Variants in LRMDA observed in about 807,000 individuals in gnomAD.
LRMDA encodes leucine-rich melanocyte differentiation-associated protein.
LRMDA carries 18 observed loss-of-function variants against 29.8 expected under a neutral mutation model. That is an observed-to-expected ratio of 0.60 (90% CI 0.42 to 0.90). The LOEUF (loss-of-function observed/expected upper bound fraction) is 0.90, where lower values mean the gene tolerates loss of function less well. LRMDA is among the 40% of genes least tolerant of loss of function. The pLI is 0.00. For synonymous variants in LRMDA, 125 were observed against 109.4 expected, an observed-to-expected ratio of 1.14 and a Z score of -0.89; for missense variants, 273 against 273.9, an observed-to-expected ratio of 1.00 and a Z score of 0.02.
intron 5 of LRMDA, among the ~76,000 whole-genome samples, chr10:76,179,241 G>A (rs550581091): frequency 6.6e-6 from 1 of 152,104 alleles, no homozygotes; most frequent in Non-Finnish European, 1.5e-5. Context: ...TCAAGGAGGG[G>A]GGGGTGGTGG....
At chr10:75,551,222 T>G (rs1279634856) in intron 2 of LRMDA, among the ~76,000 whole-genome samples, 1 of 151,720 alleles carries the variant, frequency 6.6e-6, no homozygotes, top group Non-Finnish European at 1.5e-5. Flanking sequence ...TAGAACAGTA[T>G]GAACACAAGT....
rs560245240 is a variant in LRMDA at position 76,180,868 on chromosome 10, A to G, written c.516+122085A>G. On this transcript the variant is annotated intron_variant, in intron 5 of 6. Coordinates refer to ENST00000611255, the MANE Select transcript of LRMDA (RefSeq NM_001305581.2). ...CCAGAAAGCTTTCCTGGCCTTATCA[A>G]TCTACCCTAGAGTCTCCTGCTTCTG... Among the ~76,000 whole-genome samples the G allele has an allele frequency of 2.0e-5, 3 of 152,226 alleles. No individual in the cohort carries two copies. The South Asian group carries it at 6.2e-4, about 32-fold the overall frequency.
intron 2 of LRMDA, among the ~76,000 whole-genome samples, chr10:75,716,540 CTG>C (rs544741358): frequency 2.3e-4 from 35 of 152,322 alleles, no homozygotes; most frequent in South Asian, 1.2e-3. Flanking sequence ...CTTCAACACT[CTG>C]TGTTCAATAA....
chr10:75,876,678 T>C (rs192752349), intron 2 of LRMDA, among the ~76,000 whole-genome samples: 94 of 152,286 alleles, frequency 6.2e-4, no homozygotes, highest in African/African-American at 2.2e-3. Flanking sequence ...GCTAGAGCTC[T>C]TGAAGTTCTC....
chr10:75,985,495 C>T (rs180832192), intron 2 of LRMDA, among the ~76,000 whole-genome samples: 154 of 152,346 alleles, frequency 1.0e-3, no homozygotes, highest in African/African-American at 3.5e-3. Flanking sequence ...AGGGAGGCAA[C>T]GTGGCTGTGA....
At chr10:75,706,309 T>G (rs1026120273) in intron 2 of LRMDA, among the ~76,000 whole-genome samples, 2 of 152,212 alleles carry the variant, frequency 1.3e-5, no homozygotes, top group Non-Finnish European at 2.9e-5. Flanking sequence ...TTTTCCACAT[T>G]TTGTATTATT....
At chr10:76,539,491 A>G (rs148162315) in intron 6 of LRMDA, among the ~76,000 whole-genome samples, 1,706 of 152,248 alleles carry the variant, frequency 0.011, 16 homozygotes, top group Non-Finnish European at 0.02. Context: ...TGAGTCCACC[A>G]TATCCACCCT....
chr10:76,237,411 C>A (rs1335371014), intron 5 of LRMDA, among the ~76,000 whole-genome samples: 1 of 151,918 alleles, frequency 6.6e-6, no homozygotes, highest in Non-Finnish European at 1.5e-5. Flanking sequence ...GAACTGAGGC[C>A]CAGAGAAGGG....
chr10:76,349,971 A>C (rs546083489), intron 6 of LRMDA, among the ~76,000 whole-genome samples: 1 of 152,244 alleles, frequency 6.6e-6, no homozygotes, highest in African/African-American at 2.4e-5. Context: ...AATAAAGTGA[A>C]ATAACATTCA....
At chr10:75,794,039 C>A (rs1843612438) in intron 2 of LRMDA, among the ~76,000 whole-genome samples, 3 of 152,196 alleles carry the variant, frequency 2.0e-5, no homozygotes, top group Admixed American at 2.0e-4. Context: ...TTTACACAAA[C>A]AGGCAGCAGG....
intron 2 of LRMDA, among the ~76,000 whole-genome samples, chr10:75,680,458 C>A (rs1402829772): frequency 2.0e-5 from 3 of 152,166 alleles, no homozygotes; most frequent in Non-Finnish European, 2.9e-5. Context: ...TTCTTGAGGA[C>A]AGGGACCTTG....
At chr10:76,200,996 C>T (rs200639904) in intron 5 of LRMDA, among the ~76,000 whole-genome samples, 4 of 151,252 alleles carry the variant, frequency 2.6e-5, no homozygotes, top group Non-Finnish European at 4.4e-5. Context: ...GGATTACAGG[C>T]GTGAGCCACC....
intron 2 of LRMDA, among the ~76,000 whole-genome samples, chr10:75,780,487 G>C (rs1843368217): frequency 6.6e-6 from 1 of 152,198 alleles, no homozygotes. Flanking sequence ...GGAGCCATCA[G>C]GGAGACCACA....
At chr10:75,944,476 T>C (rs145411690) in intron 2 of LRMDA, among the ~76,000 whole-genome samples, 103 of 151,936 alleles carry the variant, frequency 6.8e-4, no homozygotes, top group African/African-American at 2.3e-3. Context: ...TTTTTTGCCA[T>C]TGATCTTCAT....
At chr10:75,662,138 G>A (rs1476090664) in intron 2 of LRMDA, among the ~76,000 whole-genome samples, 1 of 151,650 alleles carries the variant, frequency 6.6e-6, no homozygotes, top group African/African-American at 2.4e-5. Flanking sequence ...AAAATTGCTT[G>A]AGTTTTCCAT....
chr10:75,751,371 G>GAC, intron 2 of LRMDA, among the ~76,000 whole-genome samples: 1 of 151,860 alleles, frequency 6.6e-6, no homozygotes, highest in South Asian at 2.1e-4. Context: ...GGGAGGGGGA[G>GAC]TGGGAGAGGG....
chr10:75,916,193 T>TGTGGGTGG (rs5786201), intron 2 of LRMDA, among the ~76,000 whole-genome samples: 15 of 140,140 alleles, frequency 1.1e-4, no homozygotes, highest in South Asian at 9.2e-4. Context: ...TGTGTGTGTG[T>TGTGGGTGG]GTGGGTGGGT....
chr10:75,925,872 C>T (rs1403403046), intron 2 of LRMDA, among the ~76,000 whole-genome samples: 6 of 151,858 alleles, frequency 4.0e-5, no homozygotes, highest in South Asian at 2.1e-4. Flanking sequence ...AGGCTGGTCT[C>T]GAACTACGAA....
At chr10:76,318,473 T>C (rs1411249671) in intron 5 of LRMDA, 1 of 152,422 alleles carries the variant, frequency 6.6e-6, no homozygotes, top group Non-Finnish European at 1.5e-5. Context: ...CCCACCAGCC[T>C]CTGCTGTGAC....
Sources: gnomAD v4.1 joint callset for allele counts (sites outside exome capture counted in the v4.1 genomes callset) on GRCh38, gnomAD v4.1.1 for gene constraint, MANE v1.5 for transcripts, NCBI Gene and HGNC (gene_info 2026-07-23, HGNC 2026-07-21) for gene names.